Variants in CTNNA2 observed in about 807,000 individuals in gnomAD.
CTNNA2 encodes catenin alpha-2.
In CTNNA2, 42 loss-of-function variants were observed where a neutral mutation model predicts 101.0. The observed-to-expected ratio is 0.42, with a 90% confidence interval of 0.32 to 0.54. The LOEUF is 0.54. Ranked by LOEUF, CTNNA2 falls within the 20% of genes least tolerant of loss-of-function variation. The pLI is 0.14. For synonymous variants in CTNNA2, 450 were observed against 456.4 expected (o/e 0.99, Z 0.18); for missense variants, 871 against 1,223.1 (o/e 0.71, Z 4.29).
chr2:79,916,172 C>A (rs1686188383), intron 7 of CTNNA2, among the ~76,000 whole-genome samples: 1 of 152,142 alleles, frequency 6.6e-6, no homozygotes, highest in Admixed American at 6.5e-5. Context: ...AAAGGTGTGA[C>A]AACACAATAT....
chr2:80,346,187 G>A (rs1227870377), intron 7 of CTNNA2, among the ~76,000 whole-genome samples: 1 of 152,146 alleles, frequency 6.6e-6, no homozygotes, highest in African/African-American at 2.4e-5. Context: ...GGCCATTCTT[G>A]CATTGCTTTA....
intron 9 of CTNNA2, among the ~76,000 whole-genome samples, chr2:80,531,829 C>T (rs184399828): frequency 1.2e-4 from 19 of 152,220 alleles, no homozygotes; most frequent in South Asian, 6.2e-4. Context: ...CCTGCTATGA[C>T]GATGCTTTGG....
In CTNNA2 at chr2:80,368,865, G is replaced by GTATATA. The variant is rs1393726938; in HGVS notation, c.1057-24345_1057-24344insATATAT. On this transcript the variant is annotated intron_variant, in intron 7 of 18. Coordinates refer to ENST00000402739, the MANE Select transcript of CTNNA2 (RefSeq NM_001282597.3). ...TGTATATATGTGTGTGTGTGTGTGT[G>GTATATA]TGTATATATATATATATATTTGGCA... is the stretch of plus-strand genomic sequence containing the variant. 5.2e-4 allele frequency among the ~76,000 whole-genome samples: 58 copies of GTATATA among 111,326 alleles called. No individual in the cohort carries two copies. In the East Asian group the frequency reaches 6.1e-3, roughly 12 times the overall value. 73.0% of individuals were successfully genotyped at this position (111,326 alleles called of 152,430 possible). A position where few individuals can be genotyped will look rare whatever the true frequency, so the allele number is the denominator to read the frequency against.
intron 3 of CTNNA2, among the ~76,000 whole-genome samples, chr2:79,784,312 C>T (rs1284427544): frequency 1.3e-5 from 2 of 151,872 alleles, no homozygotes; most frequent in East Asian, 3.9e-4. Context: ...CTCTAAAGGC[C>T]GTAGTTCCCC....
At chr2:80,250,296 CAGG>C (rs1408829615) in intron 7 of CTNNA2, among the ~76,000 whole-genome samples, 1 of 151,646 alleles carries the variant, frequency 6.6e-6, no homozygotes, top group Non-Finnish European at 1.5e-5. Context: ...TGGAGATGCC[CAGG>C]AGATCAGCAG....
chr2:80,451,822 A>G (rs544768323), intron 9 of CTNNA2, among the ~76,000 whole-genome samples: 5 of 152,324 alleles, frequency 3.3e-5, no homozygotes, highest in African/African-American at 1.2e-4. Context: ...AGAATTACAG[A>G]TTCCTTCATG....
At chr2:79,336,212 G>A (rs1055399113) in intron 3 of CTNNA2, among the ~76,000 whole-genome samples, 1 of 152,098 alleles carries the variant, frequency 6.6e-6, no homozygotes, top group African/African-American at 2.4e-5. Context: ...TTAGAACCAG[G>A]GGGCAAGACT....
Position 79,619,197 on chromosome 2 carries a change from C to T in CTNNA2, c.-5-32355C>T, listed in dbSNP as rs149857413. On this transcript the variant is annotated intron_variant, in intron 1 of 18. Transcript: ENST00000402739. ...CTCCAGCCTGGGTGACAGAGTGAGA[C>T]TCCGTCTCAAACAAACAAAAGCAGT... Among the ~76,000 whole-genome samples, 118 of 152,340 alleles carry T rather than the reference C, an allele frequency of 7.7e-4. 1 individual carries two copies. Among genetic ancestry groups the T allele is most frequent in the African/African-American group, 2.7e-3 (113 of 41,578 alleles).
At chr2:79,186,531 A>G (rs974253069) in intron 1 of CTNNA2, among the ~76,000 whole-genome samples, 32 of 152,346 alleles carry the variant, frequency 2.1e-4, no homozygotes, top group African/African-American at 6.7e-4. Context: ...AGCAATAAAT[A>G]CATTATTTTA....
intron 7 of CTNNA2, among the ~76,000 whole-genome samples, chr2:80,195,700 A>AGT (rs937287084): frequency 6.6e-6 from 1 of 152,062 alleles, no homozygotes; most frequent in Non-Finnish European, 1.5e-5. Flanking sequence ...GCTTTTGAAA[A>AGT]CAAACAAGTA....
At chr2:80,537,336 T>G (rs755561828) in intron 9 of CTNNA2, among the ~76,000 whole-genome samples, 22 of 152,228 alleles carry the variant, frequency 1.4e-4, no homozygotes, top group Admixed American at 1.2e-3. Context: ...TGATGGACAT[T>G]TGGTTGGTAC....
At position 80,508,497 on chromosome 2, in the gene CTNNA2, CAAGTGTATCTTA is replaced by C. The variant is rs550468559; in HGVS notation, c.1291-36480_1291-36469del. 2.1e-4 allele frequency among the ~76,000 whole-genome samples: 32 copies of C among 152,052 alleles called. 1 individual carries two copies. The South Asian group carries it at 6.7e-3, about 32-fold the overall frequency. On this transcript the variant is annotated intron_variant, in intron 9 of 18. Coordinates refer to ENST00000402739, the MANE Select transcript of CTNNA2 (RefSeq NM_001282597.3). ...AGACTGTCTCAAAAAATATGACAAA[CAAGTGTATCTTA>C]AAGTTATTGTTGTTCTTGTTGTTTT...
At chr2:80,213,679 A>G (rs921743234) in intron 7 of CTNNA2, among the ~76,000 whole-genome samples, 4 of 152,210 alleles carry the variant, frequency 2.6e-5, no homozygotes, top group African/African-American at 9.7e-5. Context: ...GCTGAAAAGA[A>G]TGTATATTCT....
At chr2:79,551,188 G>C (rs1031408462) in intron 1 of CTNNA2, among the ~76,000 whole-genome samples, 1 of 152,032 alleles carries the variant, frequency 6.6e-6, no homozygotes, top group Non-Finnish European at 1.5e-5. Context: ...GTTGAAGATA[G>C]ACCCAGGAAA....
chr2:80,532,206 C>T (rs543806961), intron 9 of CTNNA2, among the ~76,000 whole-genome samples: 1 of 152,152 alleles, frequency 6.6e-6, no homozygotes, highest in African/African-American at 2.4e-5. Flanking sequence ...GGTAGTCCCC[C>T]CTTATCCATA....
chr2:79,986,300 A>G (rs148749261), intron 7 of CTNNA2, among the ~76,000 whole-genome samples: 3 of 152,232 alleles, frequency 2.0e-5, no homozygotes, highest in African/African-American at 7.2e-5. Context: ...AACATCCCCA[A>G]GGATGTTCTT....
At chr2:79,294,214 G>GGAAGAAGAA (rs755348814) in intron 2 of CTNNA2, among the ~76,000 whole-genome samples, 6 of 147,552 alleles carry the variant, frequency 4.1e-5, no homozygotes, top group African/African-American at 7.6e-5. Flanking sequence ...AAGAAGAAGA[G>GGAAGAAGAA]GAAGAAGAAG....
intron 4 of CTNNA2, among the ~76,000 whole-genome samples, chr2:79,464,727 A>T (rs868331331): frequency 6.6e-6 from 1 of 152,140 alleles, no homozygotes; most frequent in Non-Finnish European, 1.5e-5. Flanking sequence ...CATTTCTTTG[A>T]TGGCCAATGA....
intron 2 of CTNNA2, among the ~76,000 whole-genome samples, chr2:79,697,023 A>G (rs574168807): frequency 1.3e-5 from 2 of 152,080 alleles, no homozygotes; most frequent in Non-Finnish European, 2.9e-5. Context: ...CAATACCCTC[A>G]TTTTACAGAT....
Sources: gnomAD v4.1 joint callset for allele counts (sites outside exome capture counted in the v4.1 genomes callset) on GRCh38, gnomAD v4.1.1 for gene constraint, MANE v1.5 for transcripts, NCBI Gene and HGNC (gene_info 2026-07-23, HGNC 2026-07-21) for gene names.